WWOX: variants seen among roughly 807,000 people sequenced by gnomAD.
WWOX encodes the protein WW domain-containing oxidoreductase.
In WWOX, 69 loss-of-function variants were observed where a neutral mutation model predicts 46.2. That is an observed-to-expected ratio of 1.49 (90% CI 1.23 to 1.82). WWOX has a LOEUF of 1.82. Ranked by LOEUF, WWOX falls within the 40% of genes most tolerant of loss-of-function variation. The probability of loss-of-function intolerance (pLI) is 0.00; values close to 1 mark genes in which losing one functional copy is unlikely to be tolerated. For synonymous variants in WWOX, 359 were observed against 202.6 expected (o/e 1.77, Z -6.56); for missense variants, 919 against 542.6 (o/e 1.69, Z -6.89).
intron 8 of WWOX, among the ~76,000 whole-genome samples, chr16:78,797,038 C>G (rs952394276): frequency 1.3e-5 from 2 of 152,020 alleles, no homozygotes; most frequent in African/African-American, 2.4e-5. Context: ...GTTGGCCAGT[C>G]TGGTCTGGAA....
chr16:78,728,760 T>G (rs1597503391), intron 8 of WWOX, among the ~76,000 whole-genome samples: 1 of 152,166 alleles, frequency 6.6e-6, no homozygotes, highest in African/African-American at 2.4e-5. Context: ...ATCTTCCTTG[T>G]AAAGAGAGTT....
chr16:78,643,410 C>T (rs955287104), intron 8 of WWOX, among the ~76,000 whole-genome samples: 2 of 152,060 alleles, frequency 1.3e-5, no homozygotes, highest in East Asian at 1.9e-4. Flanking sequence ...GGGACAGTGC[C>T]GGGGCTTGAA....
Position 78,323,754 on chromosome 16 carries a change from A to G in WWOX, c.517-63106A>G, listed in dbSNP as rs192876589. On this transcript the variant is annotated intron_variant, in intron 5 of 8. Transcript: ENST00000566780. ...AATGTTCTTTGATAAATAAGATTGC[A>G]TGTTCCTGGCTCCTGTAACATATAT... Among the ~76,000 whole-genome samples, 179 of 152,300 alleles carry G rather than the reference A, an allele frequency of 1.2e-3. 1 individual carries two copies. The highest frequency in any genetic ancestry group is 3.4e-3 in the Middle Eastern group (1 of 294).
At chr16:78,689,343 C>A (rs1294204896) in intron 8 of WWOX, among the ~76,000 whole-genome samples, 4 of 152,194 alleles carry the variant, frequency 2.6e-5, no homozygotes. Context: ...CTCTAAACAC[C>A]CCAGACATCA....
rs915874174 is a variant in WWOX at position 78,142,511 on chromosome 16, A to G, written c.410-21672A>G. Among the ~76,000 whole-genome samples the G allele has an allele frequency of 1.7e-4, 26 of 152,346 alleles. 1 individual carries two copies. Among genetic ancestry groups the G allele is most frequent in the African/African-American group, 4.8e-5 (2 of 41,594 alleles). On this transcript the variant is annotated intron_variant, in intron 4 of 8. Transcript: ENST00000566780. The stretch of plus-strand genomic sequence containing the variant: ...TCATTCTCACAGTTATATTTGTGGT[A>G]TCTTAGTGGTCATTCACCTTGGATG...
intron 8 of WWOX, among the ~76,000 whole-genome samples, chr16:78,927,543 A>G (rs1039085210): frequency 2.6e-5 from 4 of 152,132 alleles, no homozygotes; most frequent in Non-Finnish European, 5.9e-5. Flanking sequence ...TGATAAATGG[A>G]TGTTAGTCAT....
intron 8 of WWOX, among the ~76,000 whole-genome samples, chr16:78,734,091 C>T (rs918366344): frequency 1.3e-5 from 2 of 151,682 alleles, no homozygotes; most frequent in African/African-American, 2.4e-5. Context: ...CTAAATAAGT[C>T]GTCCATCCGT....
chr16:78,606,030 G>C (rs898406612), intron 8 of WWOX, among the ~76,000 whole-genome samples: 1 of 152,132 alleles, frequency 6.6e-6, no homozygotes, highest in African/African-American at 2.4e-5. Context: ...ATATATACTA[G>C]TTAGGAGACA....
At chr16:79,079,404 G>A (rs927382567) in intron 8 of WWOX, among the ~76,000 whole-genome samples, 2 of 152,064 alleles carry the variant, frequency 1.3e-5, no homozygotes, top group African/African-American at 4.8e-5. Flanking sequence ...CATCAATCCG[G>A]TATCCATTCA....
chr16:78,579,605 CT>C (rs940302970), intron 8 of WWOX, among the ~76,000 whole-genome samples: 1 of 152,190 alleles, frequency 6.6e-6, no homozygotes, highest in Admixed American at 6.5e-5. Context: ...AGCCAGGAAA[CT>C]CCTGTACTTC....
At chr16:78,277,742 T>C (rs2079606016) in intron 5 of WWOX, among the ~76,000 whole-genome samples, 1 of 152,148 alleles carries the variant, frequency 6.6e-6, no homozygotes, top group Admixed American at 6.5e-5. Flanking sequence ...ACTCGGCCAG[T>C]GGTCACTGCA....
At chr16:79,037,279 C>T (rs935967268) in intron 8 of WWOX, among the ~76,000 whole-genome samples, 2 of 152,184 alleles carry the variant, frequency 1.3e-5, no homozygotes, top group African/African-American at 4.8e-5. Flanking sequence ...GCTTCTTTTC[C>T]TACCCTGCCT....
intron 5 of WWOX, among the ~76,000 whole-genome samples, chr16:78,215,887 C>T (rs1334580089): frequency 6.6e-6 from 1 of 151,562 alleles, no homozygotes; most frequent in East Asian, 1.9e-4. Flanking sequence ...GATCATGCCA[C>T]TGCACTCTAG....
At chr16:78,152,194 G>GA (rs11421726) in intron 4 of WWOX, among the ~76,000 whole-genome samples, 82,449 of 144,390 alleles carry the variant, frequency 0.57, 22,964 homozygotes, top group Non-Finnish European at 0.59. Flanking sequence ...CGTCTCAAGA[G>GA]AAAAAAAAAA....
intron 8 of WWOX, among the ~76,000 whole-genome samples, chr16:78,924,931 A>G (rs2045463950): frequency 6.6e-6 from 1 of 152,164 alleles, no homozygotes. Flanking sequence ...CTGGAGGTTC[A>G]TGCTTGTAAT....
chr16:79,190,443 G>A (rs371086), intron 8 of WWOX, among the ~76,000 whole-genome samples: 53,555 of 151,998 alleles, frequency 0.35, 11,931 homozygotes, highest in Non-Finnish European at 0.5. Flanking sequence ...AATATTCGTA[G>A]GTCTCTGAAA....
chr16:78,557,137 A>G (rs1215265224), intron 8 of WWOX, among the ~76,000 whole-genome samples: 1 of 152,096 alleles, frequency 6.6e-6, no homozygotes, highest in African/African-American at 2.4e-5. Context: ...CTCCATTTGG[A>G]CTTCCTTTTT....
At chr16:78,670,115 G>T (rs1437593983) in intron 8 of WWOX, among the ~76,000 whole-genome samples, 8 of 151,630 alleles carry the variant, frequency 5.3e-5, no homozygotes, top group African/African-American at 2.0e-4. Flanking sequence ...TTTGTTGTGA[G>T]GGCTTCTCTG....
chr16:79,094,208 T>C (rs1293420347), intron 8 of WWOX, among the ~76,000 whole-genome samples: 2 of 152,100 alleles, frequency 1.3e-5, no homozygotes, highest in East Asian at 3.9e-4. Context: ...TTACCACTTT[T>C]GCCAGCGCTC....
Sources: allele counts gnomAD v4.1 joint callset (sites outside exome capture counted in the v4.1 genomes callset), GRCh38; gene constraint gnomAD v4.1.1; transcripts MANE v1.5; gene names NCBI Gene and HGNC (gene_info 2026-07-23, HGNC 2026-07-21).